The following PKHD1L1 variants were observed in gnomAD, a reference collection of about 807,000 sequenced individuals.
PKHD1L1 encodes fibrocystin-L.
In PKHD1L1, 434 loss-of-function variants were observed where a neutral mutation model predicts 462.9. The ratio of observed to expected loss-of-function variants is 0.94; its 90% CI spans 0.87 to 1.02. The LOEUF is 1.02. Among genes scored for constraint, PKHD1L1 ranks in the 50% least tolerant of loss-of-function variants. The probability of loss-of-function intolerance (pLI) is 0.00; values close to 1 mark genes in which losing one functional copy is unlikely to be tolerated. For missense variants in PKHD1L1, 5,202 were observed against 5,096.1 expected, an observed-to-expected ratio of 1.02 and a Z score of -0.63; for synonymous variants, 1,781 against 1,750.0, an observed-to-expected ratio of 1.02 and a Z score of -0.44.
intron 29 of PKHD1L1, 139 bp from the exon 30 acceptor site, chr8:109,436,199 G>A: frequency 2.3e-6 from 2 of 851,760 alleles, no homozygotes; most frequent in Non-Finnish European, 1.7e-6. Context: ...CTCAAGTCTG[G>A]TCCTTGATCT....
chr8:109,469,790 G>T (rs1817631573), intron 50 of PKHD1L1, among the ~76,000 whole-genome samples: 1 of 152,072 alleles, frequency 6.6e-6, no homozygotes, highest in Non-Finnish European at 1.5e-5. Context: ...AGAATGGAAT[G>T]ATGTTACTTA....
chr8:109,465,375 A>C, intron 49 of PKHD1L1, 130 bp downstream of exon 49: 1 of 993,376 alleles, frequency 1.0e-6, no homozygotes, highest in Non-Finnish European at 1.5e-6. Flanking sequence ...CTAATAATTT[A>C]AATGATAGAG....
intron 40 of PKHD1L1, 110 bp downstream of exon 40, chr8:109,449,597 T>G: frequency 2.1e-6 from 2 of 955,844 alleles, no homozygotes; most frequent in Non-Finnish European, 1.5e-6. Flanking sequence ...TTAAATCACT[T>G]TATGACTGTC....
rs374783277 is a variant in PKHD1L1, at chr8:109,443,926, G to A, written c.4791+24G>A. On this transcript the variant is annotated intron_variant, in intron 37 of 77. Coordinates refer to ENST00000378402, the MANE Select transcript of PKHD1L1 (RefSeq NM_177531.6). ...AGGTAAGAATATAAATACCTCCTTT[G>A]TACTTCTATTATATGTTCCCAATAA... 680 of 1,530,270 alleles carry A rather than the reference G, an allele frequency of 4.4e-4. 1 individual carries two copies. The highest frequency in any genetic ancestry group is 5.9e-4 in the Non-Finnish European group (657 of 1,114,504). The allele number at this position is 1,530,270 out of a possible 1,614,324, so 94.8% of individuals were successfully genotyped here.
At chr8:109,519,533 A>G (rs1426711951) in intron 73 of PKHD1L1, among the ~76,000 whole-genome samples, 1 of 151,946 alleles carries the variant, frequency 6.6e-6, no homozygotes, top group Non-Finnish European at 1.5e-5. Flanking sequence ...AATATCCCCC[A>G]CTGCTAACCT....
intron 13 of PKHD1L1, among the ~76,000 whole-genome samples, 183 bp downstream of exon 13, chr8:109,400,527 G>A (rs572126351): frequency 3.2e-4 from 48 of 152,040 alleles, no homozygotes; most frequent in African/African-American, 1.1e-3. Context: ...AAAACCTATA[G>A]CCTACAAGAA....
At chr8:109,488,281 T>C (rs988375608) in intron 59 of PKHD1L1, among the ~76,000 whole-genome samples, 1 of 151,998 alleles carries the variant, frequency 6.6e-6, no homozygotes, top group East Asian at 1.9e-4. Context: ...GTTTTGTTTT[T>C]AGTATCATTA....
At chr8:109,511,726 G>C (rs1351222274) in intron 71 of PKHD1L1, among the ~76,000 whole-genome samples, 1 of 152,038 alleles carries the variant, frequency 6.6e-6, no homozygotes, top group Non-Finnish European at 1.5e-5. Flanking sequence ...GGGATGGCTG[G>C]GTCAAATGGT....
chr8:109,463,417 C>G (rs929096066), intron 48 of PKHD1L1, among the ~76,000 whole-genome samples: 13 of 121,966 alleles, frequency 1.1e-4, no homozygotes, highest in African/African-American at 3.7e-4. Flanking sequence ...CATGTGACAT[C>G]TCAAATATGG....
At chr8:109,409,504 T>A (rs1176259707) in intron 18 of PKHD1L1, among the ~76,000 whole-genome samples, 3 of 152,040 alleles carry the variant, frequency 2.0e-5, no homozygotes, top group African/African-American at 7.2e-5. Context: ...TAATTTTGAG[T>A]TATTTGGAAA....
intron 2 of PKHD1L1, among the ~76,000 whole-genome samples, chr8:109,372,833 C>A (rs1250990014): frequency 1.3e-5 from 2 of 151,740 alleles, no homozygotes; most frequent in Admixed American, 6.6e-5. Context: ...ATTGAACCAG[C>A]CTTGCATCCC....
At chr8:109,380,980 C>T (rs751998157) in intron 2 of PKHD1L1, among the ~76,000 whole-genome samples, 9 of 152,126 alleles carry the variant, frequency 5.9e-5, no homozygotes, top group African/African-American at 2.2e-4. Flanking sequence ...TCTGTAACTT[C>T]GAGCCTGTCA....
chr8:109,445,510 T>A lies in PKHD1L1; in HGVS notation c.5641T>A (p.Tyr1881Asn). 6.2e-7 allele frequency: 1 copy of A among 1,613,804 alleles called. No homozygotes were observed. Among genetic ancestry groups the A allele is most frequent in the South Asian group, 1.1e-5 (1 of 91,034 alleles). ...QIISINPNEV[Y>N]CRTPAGTTGM... ...TATTTCCATCAACCCCAATGAAGTC[T>A]ACTGCCGCACTCCCGCTGGGACCAC... Residue 1881 changes from tyrosine to asparagine, a missense_variant, in exon 38 of 78, where the codon TAC (tyrosine) becomes AAC (asparagine). Physicochemically the swap from Tyr to Asn is moderately radical, Grantham distance 143. Coordinates refer to ENST00000378402, the MANE Select transcript of PKHD1L1 (RefSeq NM_177531.6).
At chr8:109,369,910 A>G (rs1811411823) in intron 2 of PKHD1L1, among the ~76,000 whole-genome samples, 1 of 152,182 alleles carries the variant, frequency 6.6e-6, no homozygotes, top group Non-Finnish European at 1.5e-5. Context: ...TTTATATTGT[A>G]CTTTAGTTTA....
At chr8:109,404,261 T>C (rs1813414009) in intron 14 of PKHD1L1, among the ~76,000 whole-genome samples, 1 of 152,190 alleles carries the variant, frequency 6.6e-6, no homozygotes, top group South Asian at 2.1e-4. Flanking sequence ...TTTTTCAAGA[T>C]GTTGAGTATA....
At chr8:109,398,013 CT>C (rs1013068922) in intron 11 of PKHD1L1, among the ~76,000 whole-genome samples, 28 of 151,114 alleles carry the variant, frequency 1.9e-4, no homozygotes, top group Non-Finnish European at 3.5e-4. Flanking sequence ...TATTATCCCC[CT>C]TTTTTTTTCA....
At chr8:109,524,376 A>G (rs569186044) in intron 76 of PKHD1L1, among the ~76,000 whole-genome samples, 1 of 152,268 alleles carries the variant, frequency 6.6e-6, no homozygotes, top group Admixed American at 6.5e-5. Context: ...ATTAAATGAT[A>G]ATGTGTCCCA....
intron 42 of PKHD1L1, among the ~76,000 whole-genome samples, chr8:109,452,517 A>AACTTGGT (rs1816587704): frequency 6.6e-6 from 1 of 151,538 alleles, no homozygotes; most frequent in South Asian, 2.1e-4. Context: ...AAACTTGATC[A>AACTTGGT]TTATTGTGAA....
In PKHD1L1 at chr8:109,412,423, A is replaced by C. The variant is rs552292713; in HGVS notation, c.2235+9A>C. 57 of 1,592,014 alleles carry C rather than the reference A, an allele frequency of 3.6e-5. No homozygotes were observed. In the South Asian group the frequency reaches 5.8e-4, roughly 16 times the overall value. On this transcript the variant is annotated intron_variant, in intron 20 of 77. Transcript: ENST00000378402. Reference sequence around the variant, plus strand: ...TGTTTCCTTATAATCAGGTAAGCTCAACAAAATGATATGCTAATTGAATCT... The same window carrying C: ...TGTTTCCTTATAATCAGGTAAGCTCCACAAAATGATATGCTAATTGAATCT...
Sources: gnomAD v4.1 joint callset for allele counts (sites outside exome capture counted in the v4.1 genomes callset) on GRCh38, gnomAD v4.1.1 for gene constraint, MANE v1.5 for transcripts, NCBI Gene and HGNC (gene_info 2026-07-23, HGNC 2026-07-21) for gene names.